Variants in HOMER2 observed in about 807,000 individuals in gnomAD.
HOMER2 encodes the protein homer scaffold protein 2, also known as homer protein homolog 2.
Under a neutral mutation model 47.0 loss-of-function variants are expected in HOMER2, and 27 were observed. That is an observed-to-expected ratio of 0.57 (90% CI 0.42 to 0.79). The LOEUF (loss-of-function observed/expected upper bound fraction) is 0.79, where lower values mean the gene tolerates loss of function less well. Ranked by LOEUF, HOMER2 falls within the 30% of genes least tolerant of loss-of-function variation. HOMER2 has a pLI of 0.00. For missense variants in HOMER2, 443 were observed against 435.0 expected (o/e 1.02, Z -0.16); for synonymous variants, 161 against 163.8 (o/e 0.98, Z 0.13).
At chr15:82,916,680 G>A (rs1295836063) in intron 1 of HOMER2, among the ~76,000 whole-genome samples, 3 of 152,178 alleles carry the variant, frequency 2.0e-5, no homozygotes, top group Admixed American at 1.3e-4. Context: ...ACTCTCAAGA[G>A]CTTTAGATGG....
chr15:82,983,756 A>T (rs1278051995), intron 1 of HOMER2, among the ~76,000 whole-genome samples: 1 of 151,366 alleles, frequency 6.6e-6, no homozygotes, highest in Non-Finnish European at 1.5e-5. Flanking sequence ...CGCCCGGCTA[A>T]TTTTTTTGAT....
intron 1 of HOMER2, among the ~76,000 whole-genome samples, chr15:82,942,012 C>T (rs2054277538): frequency 6.6e-6 from 1 of 152,228 alleles, no homozygotes; most frequent in South Asian, 2.1e-4. Context: ...GCATACTTCA[C>T]TACTTCCCTT....
intron 1 of HOMER2, among the ~76,000 whole-genome samples, chr15:82,899,963 A>C (rs2053057650): frequency 6.6e-6 from 1 of 152,084 alleles, no homozygotes; most frequent in African/African-American, 2.4e-5. Flanking sequence ...CGGCGGTTGC[A>C]GGGAGCCGAG....
chr15:82,836,387 T>C (rs1299529457), downstream of HOMER2, among the ~76,000 whole-genome samples: 2 of 152,240 alleles, frequency 1.3e-5, no homozygotes, highest in East Asian at 3.8e-4. Flanking sequence ...CCTCAGAGAC[T>C]TGGTTGCCTC....
At chr15:82,937,424 G>A (rs1228220813) in intron 1 of HOMER2, among the ~76,000 whole-genome samples, 1 of 152,168 alleles carries the variant, frequency 6.6e-6, no homozygotes, top group Admixed American at 6.5e-5. Context: ...TATTCCCTGA[G>A]TTCCATGAGA....
At chr15:82,945,793 AT>A (rs1463516318) in intron 1 of HOMER2, among the ~76,000 whole-genome samples, 1 of 152,124 alleles carries the variant, frequency 6.6e-6, no homozygotes, top group Non-Finnish European at 1.5e-5. Flanking sequence ...ACAAGGTGAA[AT>A]CCCATCTCTA....
chr15:82,932,347 C>T (rs1322341793), intron 1 of HOMER2, among the ~76,000 whole-genome samples: 1 of 151,958 alleles, frequency 6.6e-6, no homozygotes, highest in African/African-American at 2.4e-5. Flanking sequence ...TCACAAAAAT[C>T]AGCCAGGCAT....
intron 1 of HOMER2, among the ~76,000 whole-genome samples, chr15:82,932,566 A>G (rs1216573825): frequency 6.6e-6 from 1 of 151,886 alleles, no homozygotes; most frequent in Admixed American, 6.6e-5. Flanking sequence ...CCCCAAGGCA[A>G]TGCCATACGG....
exon 2 of HOMER2, chr15:82,837,741 T>C (rs1227419307): frequency 1.3e-5 from 2 of 152,074 alleles, no homozygotes; most frequent in African/African-American, 4.8e-5. Context: ...ATCAGCTGAG[T>C]TCCATGAACG....
At chr15:82,838,287 A>C (rs2051146180) in exon 2 of HOMER2, 1 of 152,496 alleles carries the variant, frequency 6.6e-6, no homozygotes, top group Non-Finnish European at 1.5e-5. Context: ...TGTGTAACCT[A>C]CTGTGCAATA....
exon 2 of HOMER2, chr15:82,841,886 A>G (rs2051179469): frequency 6.6e-6 from 1 of 152,232 alleles, no homozygotes; most frequent in Non-Finnish European, 1.5e-5. Flanking sequence ...GAAAAATGCT[A>G]ACAGCAGAAG....
chr15:82,861,993 C>T lies in HOMER2; in HGVS notation c.387+2174G>A, dbSNP rs200110114. ...AGCAGAGGTTGCAGCAAGCTGAGAT[C>T]GCGCCACTGCACTCCAGCCTGGGCA... On this transcript the variant is annotated intron_variant, in intron 4 of 8. Coordinates refer to ENST00000450735, the MANE Select transcript of HOMER2 (RefSeq NM_004839.4). Among the ~76,000 whole-genome samples, 8 of 151,944 alleles carry T rather than the reference C, an allele frequency of 5.3e-5. No individual in the cohort carries two copies. In the East Asian group the frequency reaches 9.6e-4, roughly 18 times the overall value.
In HOMER2 at chr15:82,851,341, G is replaced by A. The variant is rs374953220; in HGVS notation, c.763-110C>T. 3,186 of 724,778 alleles carry A rather than the reference G, an allele frequency of 4.4e-3. 95 individuals are homozygous for A. In the South Asian group the frequency reaches 0.05, roughly 11 times the overall value. 44.9% of individuals were successfully genotyped at this position (724,778 alleles called of 1,614,324 possible). A position where few individuals can be genotyped will look rare whatever the true frequency, so the allele number is the denominator to read the frequency against. The stretch of plus-strand genomic sequence containing the variant: ...GGAAGCAGCTTTGGGACCCTGTCCT[G>A]TTTGCATAGACAGTGATAGTGACCA... On this transcript the variant is annotated intron_variant, in intron 7 of 8. Coordinates refer to ENST00000450735, the MANE Select transcript of HOMER2 (RefSeq NM_004839.4).
intron 1 of HOMER2, among the ~76,000 whole-genome samples, chr15:82,971,566 C>T (rs1210515959): frequency 1.3e-5 from 2 of 152,116 alleles, no homozygotes; most frequent in Non-Finnish European, 2.9e-5. Context: ...GGATGGATAG[C>T]CAGCTTCACT....
intron 2 of HOMER2, among the ~76,000 whole-genome samples, chr15:82,890,634 GAC>G (rs993391664): frequency 2.0e-5 from 3 of 152,282 alleles, no homozygotes; most frequent in Admixed American, 1.3e-4. Context: ...GAGCCATAAC[GAC>G]ACAGTGGCTG....
At chr15:82,895,465 C>G (rs2052878495) in intron 1 of HOMER2, among the ~76,000 whole-genome samples, 1 of 152,232 alleles carries the variant, frequency 6.6e-6, no homozygotes, top group Non-Finnish European at 1.5e-5. Flanking sequence ...GATCACCCAG[C>G]TGTGCCACTC....
At chr15:82,927,157 C>G (rs1172041435) in intron 1 of HOMER2, among the ~76,000 whole-genome samples, 1 of 151,634 alleles carries the variant, frequency 6.6e-6, no homozygotes, top group Non-Finnish European at 1.5e-5. Flanking sequence ...CCACTCCCAG[C>G]CCAGCCCATA....
intron 1 of HOMER2, among the ~76,000 whole-genome samples, chr15:82,980,879 T>C (rs935983470): frequency 6.6e-6 from 1 of 152,040 alleles, no homozygotes; most frequent in Admixed American, 6.6e-5. Flanking sequence ...CTTGACTGAA[T>C]TGAACAGAAA....
intron 1 of HOMER2, among the ~76,000 whole-genome samples, chr15:82,981,831 T>C (rs1567081857): frequency 6.6e-6 from 1 of 152,114 alleles, no homozygotes; most frequent in African/African-American, 2.4e-5. Context: ...AGAATGGTGG[T>C]TGCTAGGGGC....
Sources: gnomAD v4.1 joint callset for allele counts (sites outside exome capture counted in the v4.1 genomes callset) on GRCh38, gnomAD v4.1.1 for gene constraint, MANE v1.5 for transcripts, NCBI Gene and HGNC (gene_info 2026-07-23, HGNC 2026-07-21) for gene names.